Variants in XKR5 observed in about 807,000 individuals in gnomAD.
XKR5 encodes the protein XK-related protein 5.
In XKR5, 46 loss-of-function variants were observed where a neutral mutation model predicts 40.8. The ratio of observed to expected loss-of-function variants is 1.13; its 90% CI spans 0.89 to 1.44. The LOEUF (loss-of-function observed/expected upper bound fraction) is 1.44. Ranked by LOEUF, XKR5 falls within the 40% of genes most tolerant of loss-of-function variation. The pLI, the probability that XKR5 is intolerant of heterozygous loss-of-function variation, is 0.00. For synonymous variants in XKR5, 466 were observed against 356.1 expected (o/e 1.31, Z -3.48); for missense variants, 1,169 against 844.7 (o/e 1.38, Z -4.76).
Position 6,811,731 on chromosome 8 carries a change from C to G in XKR5, c.1528G>C (p.Gly510Arg). Residue 510 changes from glycine to arginine, a missense_variant, in exon 7 of 7, where the codon GGC (glycine) becomes CGC (arginine). Transcript: ENST00000618742. ...TQNPAATQGEGTPKEGADAVS... is the reference protein window; with the variant it reads ...TQNPAATQGERTPKEGADAVS... ...GCGTCAGCTCCTTCCTTTGGGGTGC[C>G]CTCCCCCTGCGTGGCTGCTGGGTTC... The G allele has an allele frequency of 6.5e-7, 1 of 1,537,590 alleles. No homozygotes were observed. Among genetic ancestry groups the G allele is most frequent in the Non-Finnish European group, 8.7e-7 (1 of 1,147,004 alleles).
intron 2 of XKR5, among the ~76,000 whole-genome samples, chr8:6,826,169 A>G (rs140548708): frequency 6.6e-6 from 1 of 150,504 alleles, no homozygotes; most frequent in African/African-American, 2.5e-5. Context: ...ATGTGCATGT[A>G]TGCATGTGTG....
chr8:6,820,533 G>T (rs577345313), intron 5 of XKR5, among the ~76,000 whole-genome samples: 27 of 152,326 alleles, frequency 1.8e-4, no homozygotes, highest in African/African-American at 6.3e-4. Context: ...GGCAGGCGGG[G>T]TGTCCACCTA....
chr8:6,812,189 C>A lies in XKR5; in HGVS notation c.1070G>T (p.Arg357Ile), dbSNP rs758944649. The A allele has an allele frequency of 4.3e-5, 66 of 1,551,692 alleles. No homozygotes were observed. Among genetic ancestry groups the A allele is most frequent in the Admixed American group, 5.9e-5 (3 of 50,994 alleles). ...TTGGCATGAGCCTGAGCTCTCGGTT[C>A]TCTTCCCAGCTAGATCTGTGGCCCG... ...SPRATDLAGK[R>I]TESSGSCQGA... Residue 357 changes from arginine (R) to isoleucine (I), a missense_variant, in exon 7 of 7, where the codon AGA becomes ATA. Transcript: ENST00000618742.
At chr8:6,816,019 G>C (rs1803943380) in intron 5 of XKR5, 101 bp from the exon 6 acceptor site, 1 of 823,960 alleles carries the variant, frequency 1.2e-6, no homozygotes, top group South Asian at 1.6e-5. Context: ...CCTCCATCCT[G>C]AGTGCCCACT....
chr8:6,834,771 T>A (rs933341640), intron 1 of XKR5, among the ~76,000 whole-genome samples: 1 of 152,168 alleles, frequency 6.6e-6, no homozygotes, highest in African/African-American at 2.4e-5. Flanking sequence ...AGTTACGCGT[T>A]CAAACCAGAA....
At chr8:6,821,597 G>A (rs369201909) in intron 5 of XKR5, among the ~76,000 whole-genome samples, 15 of 152,116 alleles carry the variant, frequency 9.9e-5, no homozygotes, top group African/African-American at 2.9e-4. Context: ...TTCAGCAGGT[G>A]GGCTGATGTA....
Position 6,822,017 on chromosome 8 carries a change from G to A in XKR5, c.659C>T (p.Thr220Ile). The A allele has an allele frequency of 6.2e-7, 1 of 1,605,484 alleles. No individual in the cohort carries two copies. The highest frequency in any genetic ancestry group is 8.5e-7 in the Non-Finnish European group (1 of 1,176,248). ...VVAGAHWLVM[T>I]FWLVAQQSDI... Reference sequence around the variant, plus strand: ...ACTCTGCTGGGCGACAAGCCAGAATGTCATCACCAGCCAGTGGGCACCTGC... The same window carrying A: ...ACTCTGCTGGGCGACAAGCCAGAATATCATCACCAGCCAGTGGGCACCTGC... Residue 220 changes from threonine to isoleucine, a missense_variant, in exon 5 of 7, where the codon ACA (threonine) becomes ATA (isoleucine). By Grantham distance (89) the Thr-to-Ile change is moderately conservative. Coordinates refer to ENST00000618742, the MANE Select transcript of XKR5 (RefSeq NM_207411.5).
At chr8:6,826,431 A>G (rs185829401) in intron 2 of XKR5, among the ~76,000 whole-genome samples, 4 of 152,148 alleles carry the variant, frequency 2.6e-5, no homozygotes, top group East Asian at 3.9e-4. Context: ...TAATTGGTGA[A>G]GGGAGTCCTA....
chr8:6,811,166 C>G lies in XKR5; in HGVS notation c.*32G>C. On this transcript the variant is annotated 3_prime_UTR_variant, in exon 7 of 7. Transcript: ENST00000618742. ...GTACCAAATGGCCAGCTTGGTTTGTCAGCCTGTTGTCTTATCCCACCATGA... is the reference window on the plus strand; with the variant it reads ...GTACCAAATGGCCAGCTTGGTTTGTGAGCCTGTTGTCTTATCCCACCATGA... The G allele has an allele frequency of 6.7e-7, 1 of 1,501,852 alleles. No individual in the cohort carries two copies. The highest frequency in any genetic ancestry group is 2.5e-5 in the East Asian group (1 of 40,390). 93.0% of individuals were successfully genotyped at this position (1,501,852 alleles called of 1,614,324 possible).
At chr8:6,831,075 A>C (rs919153573) in intron 2 of XKR5, among the ~76,000 whole-genome samples, 1 of 152,198 alleles carries the variant, frequency 6.6e-6, no homozygotes, top group Admixed American at 6.5e-5. Context: ...ACATGGGCTC[A>C]TGGTAGCTGA....
intron 6 of XKR5, among the ~76,000 whole-genome samples, chr8:6,814,282 C>T (rs1486683759): frequency 1.3e-5 from 2 of 152,172 alleles, no homozygotes; most frequent in Non-Finnish European, 2.9e-5. Context: ...AGCTGTGGTC[C>T]GTCCAAACCA....
intron 5 of XKR5, among the ~76,000 whole-genome samples, chr8:6,817,750 C>G (rs180855119): frequency 2.6e-5 from 4 of 152,314 alleles, no homozygotes; most frequent in Admixed American, 6.5e-5. Context: ...AGATATACAT[C>G]CTCTATTACC....
rs761759656 is a variant in XKR5 at position 6,832,868 on chromosome 8, C to T, written c.91G>A (p.Gly31Arg). The change falls in exon 2 of 7, where the codon GGA becomes AGA. Residue 31 changes from glycine to arginine, a missense_variant. Physicochemically the swap from Gly to Arg is moderately radical, Grantham distance 125. Transcript: ENST00000618742. ...GCCAGCCACCCCCACAGAAGCCGTC[C>T]TGTGGTGAAGTAGTAAGCCACGGTG... ...LYTVAYYFTT[G>R]RLLWGWLALA... 2 of 1,607,646 alleles carry T rather than the reference C, an allele frequency of 1.2e-6. No individual in the cohort carries two copies. The highest frequency in any genetic ancestry group is 8.5e-7 in the Non-Finnish European group (1 of 1,177,684).
intron 1 of XKR5, among the ~76,000 whole-genome samples, chr8:6,834,407 C>G (rs1007780235): frequency 6.6e-6 from 1 of 152,264 alleles, no homozygotes; most frequent in African/African-American, 2.4e-5. Context: ...GCGGCAGCCT[C>G]CCTTGCACGA....
chr8:6,816,122 T>C (rs565009725), intron 5 of XKR5, among the ~76,000 whole-genome samples: 78 of 151,782 alleles, frequency 5.1e-4, no homozygotes, highest in African/African-American at 1.9e-3. Context: ...GTTCTCAGGG[T>C]GGCTCATTAA....
rs935726116 is a variant in XKR5, at chr8:6,828,379, G to A, written c.243-3030C>T. Among the ~76,000 whole-genome samples the A allele has an allele frequency of 1.8e-4, 27 of 152,212 alleles. 1 individual carries two copies. Among genetic ancestry groups the A allele is most frequent in the African/African-American group, 4.8e-4 (20 of 41,450 alleles). On this transcript the variant is annotated intron_variant, in intron 2 of 6. Transcript: ENST00000618742. ...ATGAAGGTCCATGTCTGGGAATAGC[G>A]AATATCTGGTGCTTGGTAAGGCGGG...
chr8:6,831,733 T>G lies in XKR5; in HGVS notation c.242+984A>C, dbSNP rs1804772691. Among the ~76,000 whole-genome samples, 3 of 152,040 alleles carry G rather than the reference T, an allele frequency of 2.0e-5. 1 individual carries two copies. Among genetic ancestry groups the G allele is most frequent in the African/African-American group, 7.2e-5 (3 of 41,392 alleles). On this transcript the variant is annotated intron_variant, in intron 2 of 6. Transcript: ENST00000618742. Reference sequence around the variant, plus strand: ...TTTTTCTCCCTTAAAAAAAATCCTGTGGCCAGGTGCAGTGGCTCACGCCTG... The same window carrying G: ...TTTTTCTCCCTTAAAAAAAATCCTGGGGCCAGGTGCAGTGGCTCACGCCTG...
At chr8:6,827,056 G>A (rs1804520933) in intron 2 of XKR5, among the ~76,000 whole-genome samples, 1 of 152,140 alleles carries the variant, frequency 6.6e-6, no homozygotes, top group Non-Finnish European at 1.5e-5. Flanking sequence ...GTAGAAAGTG[G>A]CACAGACCAC....
chr8:6,833,191 G>A (rs1459791535), intron 1 of XKR5, among the ~76,000 whole-genome samples: 2 of 152,128 alleles, frequency 1.3e-5, no homozygotes, highest in Non-Finnish European at 2.9e-5. Context: ...ATCATCCCAG[G>A]GCCCAGTGCC....
Sources: allele counts gnomAD v4.1 joint callset (sites outside exome capture counted in the v4.1 genomes callset), GRCh38; gene constraint gnomAD v4.1.1; transcripts MANE v1.5; gene names NCBI Gene and HGNC (gene_info 2026-07-23, HGNC 2026-07-21).